The following PDE4A variants were observed in gnomAD, a reference collection of about 807,000 sequenced individuals.
The protein encoded by PDE4A is phosphodiesterase 4A.
Under a neutral mutation model 73.9 loss-of-function variants are expected in PDE4A, and 21 were observed. That is an observed-to-expected ratio of 0.28 (90% CI 0.20 to 0.41). PDE4A has a LOEUF of 0.41. PDE4A is among the 10% of genes least tolerant of loss of function. PDE4A has a pLI of 1.00. For synonymous variants in PDE4A, 463 were observed against 505.4 expected (o/e 0.92, Z 1.13); for missense variants, 958 against 1,211.4 (o/e 0.79, Z 3.10).
intron 1 of PDE4A, among the ~76,000 whole-genome samples, chr19:10,435,944 C>T (rs1404188614): frequency 1.3e-5 from 2 of 152,142 alleles, no homozygotes; most frequent in African/African-American, 2.4e-5. Flanking sequence ...CAGGGGACAT[C>T]GGGTCTTGAA....
At chr19:10,423,024 G>A (rs1375757242) in intron 1 of PDE4A, 5 of 785,138 alleles carry the variant, frequency 6.4e-6, no homozygotes, top group African/African-American at 1.9e-5. Context: ...TATCCATCTC[G>A]CAATGGCTCA....
At chr19:10,448,974 G>T (rs369639923) in intron 3 of PDE4A, 21 bp downstream of exon 3, 12 of 1,613,194 alleles carry the variant, frequency 7.4e-6, no homozygotes, top group Non-Finnish European at 9.3e-6. Context: ...TTCCCAAATG[G>T]TTAAGGAGAG....
At chr19:10,432,534 G>A (rs1295610325) in intron 1 of PDE4A, 1 of 1,525,362 alleles carries the variant, frequency 6.6e-7, no homozygotes, top group Non-Finnish European at 8.8e-7. Context: ...CTTCAGCGAT[G>A]AGGACACCCG....
chr19:10,454,997 C>T, intron 7 of PDE4A, 75 bp downstream of exon 7: 2 of 1,421,470 alleles, frequency 1.4e-6, no homozygotes, highest in Non-Finnish European at 2.0e-6. Flanking sequence ...GACCGTGGGT[C>T]CTGTTGCTCA....
chr19:10,454,993 G>A, intron 7 of PDE4A, 71 bp downstream of exon 7: 1 of 1,453,066 alleles, frequency 6.9e-7, no homozygotes, highest in South Asian at 1.2e-5. Flanking sequence ...CCCTGACCGT[G>A]GGTCCTGTTG....
Position 10,467,020 on chromosome 19 carries a change from C to T in PDE4A, c.2060C>T (p.Pro687Leu). Residue 687 changes from proline to leucine, a missense_variant, in exon 15 of 15, where the codon CCA becomes CTA. Physicochemically the swap from Pro to Leu is moderately conservative, Grantham distance 98. Transcript: ENST00000380702. ...DWYYSAIRQS[P>L]SPPPEEESRG... ...TACTACAGCGCCATCCGGCAGAGCC[C>T]ATCTCCGCCACCCGAGGAGGAGTCA... The T allele has an allele frequency of 6.2e-7, 1 of 1,614,160 alleles. No homozygotes were observed. The highest frequency in any genetic ancestry group is 8.5e-7 in the Non-Finnish European group (1 of 1,180,036).
rs895404113 is a variant in PDE4A at position 10,424,366 on chromosome 19, G to A, written c.320+3282G>A. 6.6e-6 allele frequency among the ~76,000 whole-genome samples: 1 copy of A among 152,240 alleles called. No homozygotes were observed. Among genetic ancestry groups the A allele is most frequent in the Non-Finnish European group, 1.5e-5 (1 of 68,036 alleles). ...CCCAGGAGCAGGTGGAGGCAGCCGA[G>A]CTGGGGTATCCGTCTGGTCGCTGGT... On this transcript the variant is annotated intron_variant, in intron 1 of 14. Transcript: ENST00000380702. The surrounding 1 kb of genome is among the most constrained non-coding windows in gnomAD (Gnocchi z 4.8).
intron 2 of PDE4A, among the ~76,000 whole-genome samples, chr19:10,448,250 TCA>T (rs2043040820): frequency 6.6e-6 from 1 of 151,638 alleles, no homozygotes; most frequent in Non-Finnish European, 1.5e-5. Flanking sequence ...CAGGCGTGCG[TCA>T]CCACACCCAG....
chr19:10,464,150 TACAATGGC>T (rs1363653715), intron 14 of PDE4A, 175 bp downstream of exon 14: 1 of 783,878 alleles, frequency 1.3e-6, no homozygotes, highest in East Asian at 2.9e-5. Flanking sequence ...CAGGCTGGAG[TACAATGGC>T]ACGATCTTGG....
At chr19:10,459,560 G>T (rs1392718420) in intron 9 of PDE4A, 35 bp from the exon 10 acceptor site, 10 of 1,611,390 alleles carry the variant, frequency 6.2e-6, no homozygotes, top group Admixed American at 1.7e-5. Context: ...CTGGAGGCCG[G>T]TGGAGGTCAC....
intron 14 of PDE4A, 159 bp downstream of exon 14, chr19:10,464,134 A>G (rs542045682): frequency 5.8e-5 from 54 of 924,380 alleles, no homozygotes; most frequent in South Asian, 3.0e-4. Flanking sequence ...GTCTCATTCT[A>G]TTGCCCAGGC....
chr19:10,425,647 T>C (rs1039855950), intron 1 of PDE4A, among the ~76,000 whole-genome samples: 1 of 152,072 alleles, frequency 6.6e-6, no homozygotes, highest in Non-Finnish European at 1.5e-5. Context: ...GAGAACAGAA[T>C]TGTGAGGGCA....
chr19:10,422,826 A>G (rs2042668243), intron 1 of PDE4A, among the ~76,000 whole-genome samples: 1 of 152,166 alleles, frequency 6.6e-6, no homozygotes, highest in Non-Finnish European at 1.5e-5. Flanking sequence ...AGAAAATGCT[A>G]AAACTGGGGC....
chr19:10,444,503 A>G (rs1307347058), intron 1 of PDE4A, among the ~76,000 whole-genome samples: 1 of 151,978 alleles, frequency 6.6e-6, no homozygotes, highest in Non-Finnish European at 1.5e-5. Context: ...CATCTCAAAA[A>G]AAAAAAAAAA....
intron 1 of PDE4A, chr19:10,431,035 G>A: frequency 1.3e-6 from 2 of 1,577,648 alleles, no homozygotes; most frequent in Admixed American, 1.7e-5. Context: ...AGACGCCTTC[G>A]GCTTCTCCGC....
chr19:10,429,003 G>A (rs2042752750), intron 1 of PDE4A: 3 of 422,338 alleles, frequency 7.1e-6, no homozygotes, highest in South Asian at 2.0e-4. Context: ...TACTTGGGAG[G>A]CTGAGGCACG....
intron 6 of PDE4A, 81 bp from the exon 7 acceptor site, chr19:10,454,748 G>A: frequency 6.2e-7 from 1 of 1,602,260 alleles, no homozygotes; most frequent in Non-Finnish European, 8.5e-7. Flanking sequence ...GGGGTCTTCA[G>A]GCGTTCTTGG....
At chr19:10,427,952 G>T in intron 1 of PDE4A, 1 of 488,374 alleles carries the variant, frequency 2.0e-6, no homozygotes, top group Non-Finnish European at 2.6e-6. Context: ...CCAATATCAT[G>T]TCACTTGCAC....
At chr19:10,416,817 T>A, upstream of PDE4A, 1 of 1,525,888 alleles carries the variant, frequency 6.6e-7, no homozygotes, top group South Asian at 1.2e-5. Flanking sequence ...GGGGGCGGGT[T>A]CTAGGCCCGA....
Sources: allele counts gnomAD v4.1 joint callset (sites outside exome capture counted in the v4.1 genomes callset), GRCh38; gene constraint gnomAD v4.1.1; non-coding constraint Gnocchi (gnomAD v3.1); transcripts MANE v1.5; gene names NCBI Gene and HGNC (gene_info 2026-07-23, HGNC 2026-07-21).